The following EPM2A variants were observed in gnomAD, a reference collection of about 807,000 sequenced individuals.
EPM2A encodes laforin.
EPM2A carries 21 observed loss-of-function variants against 26.5 expected under a neutral mutation model. That is an observed-to-expected ratio of 0.79 (90% confidence interval 0.56 to 1.14). The LOEUF (loss-of-function observed/expected upper bound fraction) is 1.14, where lower values mean the gene tolerates loss of function less well. EPM2A is among the 50% of genes most tolerant of loss of function. The probability of loss-of-function intolerance (pLI) is 0.00; values close to 1 mark genes in which losing one functional copy is unlikely to be tolerated. For synonymous variants in EPM2A, 217 were observed against 177.6 expected, an observed-to-expected ratio of 1.22 and a Z score of -1.76; for missense variants, 458 against 440.8, an observed-to-expected ratio of 1.04 and a Z score of -0.35.
At chr6:145,712,456 A>C (rs1187570007) in intron 1 of EPM2A, among the ~76,000 whole-genome samples, 1 of 152,140 alleles carries the variant, frequency 6.6e-6, no homozygotes, top group Non-Finnish European at 1.5e-5. Context: ...GCTTTGAAGA[A>C]TTATAACAGG....
At chr6:145,597,632 T>C (rs1781365661) in intron 2 of EPM2A, among the ~76,000 whole-genome samples, 1 of 152,132 alleles carries the variant, frequency 6.6e-6, no homozygotes, top group African/African-American at 2.4e-5. Flanking sequence ...GTTACATAGA[T>C]AAACACATGT....
chr6:145,727,635 C>T (rs144597362), intron 1 of EPM2A, among the ~76,000 whole-genome samples: 72 of 152,314 alleles, frequency 4.7e-4, no homozygotes, highest in African/African-American at 1.5e-3. Context: ...AGTCCCTACA[C>T]TCATAGAGTT....
rs553954797 is a variant in EPM2A, at chr6:145,658,686, T to TA, written c.477-23201dup. Among the ~76,000 whole-genome samples the TA allele has an allele frequency of 4.5e-3, 692 of 152,142 alleles. 5 individuals are homozygous for TA. The highest frequency in any genetic ancestry group is 0.014 in the African/African-American group (577 of 41,532). On this transcript the variant is annotated intron_variant, in intron 2 of 3. Coordinates refer to ENST00000367519, the MANE Select transcript of EPM2A (RefSeq NM_005670.4). ...GGCTATTTCACAAATCAAAATAAGT[T>TA]AAAAAAAATCTATCTTGCTTTTATA...
chr6:145,386,344 C>A (rs1057074462), intron 4 of EPM2A, among the ~76,000 whole-genome samples: 5 of 151,902 alleles, frequency 3.3e-5, no homozygotes, highest in Admixed American at 3.3e-4. Context: ...GTGAGAAAAA[C>A]TATATTTAAA....
chr6:145,585,680 T>C (rs1781186591), intron 2 of EPM2A, among the ~76,000 whole-genome samples: 1 of 152,218 alleles, frequency 6.6e-6, no homozygotes, highest in Non-Finnish European at 1.5e-5. Flanking sequence ...ATTTTAATTA[T>C]ATATCAGATA....
At chr6:145,663,498 A>T (rs1378964475) in intron 2 of EPM2A, among the ~76,000 whole-genome samples, 1 of 152,152 alleles carries the variant, frequency 6.6e-6, no homozygotes, top group Non-Finnish European at 1.5e-5. Context: ...AAGGGGTGAA[A>T]AGAAATGGGA....
intron 2 of EPM2A, among the ~76,000 whole-genome samples, chr6:145,522,829 C>T (rs1582821995): frequency 1.4e-5 from 2 of 142,816 alleles, no homozygotes; most frequent in East Asian, 4.0e-4. Flanking sequence ...CAATAAACTC[C>T]TCAAAGACAC....
At chr6:145,396,283 T>C (rs1315949233) in intron 4 of EPM2A, among the ~76,000 whole-genome samples, 1 of 152,120 alleles carries the variant, frequency 6.6e-6, no homozygotes, top group Non-Finnish European at 1.5e-5. Context: ...CTTCCCGGGC[T>C]CCTTCCTCTC....
intron 2 of EPM2A, among the ~76,000 whole-genome samples, chr6:145,519,700 C>T (rs891668388): frequency 6.6e-6 from 1 of 152,100 alleles, no homozygotes; most frequent in African/African-American, 2.4e-5. Flanking sequence ...TTTCGAGAAA[C>T]CCTTCAGACT....
chr6:145,489,896 T>A, intron 4 of EPM2A: 1 of 1,357,914 alleles, frequency 7.4e-7, no homozygotes. Context: ...TGTACTTCAG[T>A]ACCTTCTTCA....
chr6:145,383,677 G>A (rs1778220653), exon 5 of EPM2A: 1 of 152,168 alleles, frequency 6.6e-6, no homozygotes, highest in Non-Finnish European at 1.5e-5. Flanking sequence ...TTCAACATGA[G>A]ATTTGAGCAG....
intron 2 of EPM2A, among the ~76,000 whole-genome samples, chr6:145,564,776 G>C (rs959753651): frequency 7.2e-5 from 11 of 151,756 alleles, no homozygotes; most frequent in South Asian, 2.1e-4. Flanking sequence ...TATATGGTGG[G>C]GGGGGGCAGG....
At chr6:145,669,786 A>G (rs1029884726) in intron 2 of EPM2A, among the ~76,000 whole-genome samples, 4 of 152,204 alleles carry the variant, frequency 2.6e-5, no homozygotes, top group Non-Finnish European at 5.9e-5. Context: ...TGTCATGGCC[A>G]CTGTCATATT....
chr6:145,542,070 A>T (rs771070258), intron 2 of EPM2A, among the ~76,000 whole-genome samples: 3 of 152,234 alleles, frequency 2.0e-5, no homozygotes, highest in Non-Finnish European at 4.4e-5. Context: ...ATCAGACTAC[A>T]ATATAAAACA....
At chr6:145,414,963 A>G (rs1171733895) in intron 4 of EPM2A, among the ~76,000 whole-genome samples, 1 of 152,114 alleles carries the variant, frequency 6.6e-6, no homozygotes, top group Non-Finnish European at 1.5e-5. Context: ...TCTTTGGCTC[A>G]CTTTTCCCCC....
At chr6:145,564,892 C>T (rs1780862147) in intron 2 of EPM2A, among the ~76,000 whole-genome samples, 1 of 152,120 alleles carries the variant, frequency 6.6e-6, no homozygotes. Flanking sequence ...CCTGCAGCAA[C>T]TTAAATTTCC....
intron 4 of EPM2A, among the ~76,000 whole-genome samples, chr6:145,387,414 C>G (rs963926169): frequency 6.6e-6 from 1 of 152,074 alleles, no homozygotes; most frequent in African/African-American, 2.4e-5. Context: ...GACTGTCCTG[C>G]CTCCACCAAC....
At chr6:145,707,667 C>T (rs537722492) in intron 1 of EPM2A, among the ~76,000 whole-genome samples, 63 of 152,268 alleles carry the variant, frequency 4.1e-4, no homozygotes, top group African/African-American at 1.3e-3. Context: ...TTTTGCCTTC[C>T]GCCATGATTG....
At chr6:145,558,963 T>C (rs975062932) in intron 2 of EPM2A, among the ~76,000 whole-genome samples, 1 of 152,064 alleles carries the variant, frequency 6.6e-6, no homozygotes, top group African/African-American at 2.4e-5. Context: ...TACAACTCTG[T>C]GACTGGTAAA....
Sources: gnomAD v4.1 joint callset for allele counts (sites outside exome capture counted in the v4.1 genomes callset) on GRCh38, gnomAD v4.1.1 for gene constraint, MANE v1.5 for transcripts, NCBI Gene and HGNC (gene_info 2026-07-23, HGNC 2026-07-21) for gene names.